Variants in KIRREL3 observed in about 807,000 individuals in gnomAD.
KIRREL3 encodes the protein kirre like nephrin family adhesion molecule 3, also known as kin of IRRE-like protein 3.
In KIRREL3, 36 loss-of-function variants were observed where a neutral mutation model predicts 89.7. That is an observed-to-expected ratio of 0.40 (90% CI 0.31 to 0.53). The LOEUF is 0.53. KIRREL3 is among the 20% of genes least tolerant of loss of function. The pLI is 0.49. For synonymous variants in KIRREL3, 445 were observed against 441.4 expected (o/e 1.01, Z -0.10); for missense variants, 864 against 1,056.6 (o/e 0.82, Z 2.53).
At chr11:126,582,610 G>T (rs1156854358) in intron 1 of KIRREL3, among the ~76,000 whole-genome samples, 4 of 152,198 alleles carry the variant, frequency 2.6e-5, no homozygotes, top group Non-Finnish European at 5.9e-5. Flanking sequence ...CTGCAGGTCA[G>T]GTGGGGAAGG....
upstream of KIRREL3, chr11:127,000,969 G>A: frequency 3.4e-6 from 1 of 290,288 alleles, no homozygotes; most frequent in Non-Finnish European, 6.3e-6. The surrounding 1 kb of genome is among the most constrained non-coding windows in gnomAD (Gnocchi z 7.1). Flanking sequence ...GGAAAAGGCT[G>A]TGTTCTTTCT....
rs1946332311 is a variant in KIRREL3, at chr11:126,900,519, G to C, written c.55+99936C>G. Among the ~76,000 whole-genome samples, 2 of 152,174 alleles carry C rather than the reference G, an allele frequency of 1.3e-5. No homozygotes were observed. Among genetic ancestry groups the C allele is most frequent in the African/African-American group, 4.8e-5 (2 of 41,446 alleles). On this transcript the variant is annotated intron_variant, in intron 1 of 16. Coordinates refer to ENST00000525144, the MANE Select transcript of KIRREL3 (RefSeq NM_032531.4). The surrounding 1 kb of genome is among the most constrained non-coding windows in gnomAD (Gnocchi z 4.4). Reference sequence around the variant, plus strand: ...AGTAATTAAACAATAATTTCTTTGTGAGTGCTGGACTTCTGAGGCCTGTTT... The same window carrying C: ...AGTAATTAAACAATAATTTCTTTGTCAGTGCTGGACTTCTGAGGCCTGTTT...
At chr11:126,759,884 C>T (rs1435200169) in intron 1 of KIRREL3, among the ~76,000 whole-genome samples, 3 of 152,032 alleles carry the variant, frequency 2.0e-5, no homozygotes, top group East Asian at 1.9e-4. Flanking sequence ...GAGGAAGGGC[C>T]AAGATGAAGA....
intron 1 of KIRREL3, among the ~76,000 whole-genome samples, chr11:126,770,832 A>C (rs1000346943): frequency 6.6e-6 from 1 of 152,076 alleles, no homozygotes; most frequent in African/African-American, 2.4e-5. Context: ...AGGAAGGAGC[A>C]TTTACTTATT....
rs1265956253 is a variant in KIRREL3, at chr11:126,530,728, G to C, written c.134-4041C>G. 6.6e-6 allele frequency among the ~76,000 whole-genome samples: 1 copy of C among 152,164 alleles called. No individual in the cohort carries two copies. Among genetic ancestry groups the C allele is most frequent in the Non-Finnish European group, 1.5e-5 (1 of 68,032 alleles). ...GTGACACACCCAGCACCTTCCACCG[G>C]CCCAGGGTTTCCATCTTCTCCGCTT... On this transcript the variant is annotated intron_variant, in intron 2 of 16. Coordinates refer to ENST00000525144, the MANE Select transcript of KIRREL3 (RefSeq NM_032531.4). The surrounding 1 kb of genome is among the most constrained non-coding windows in gnomAD (Gnocchi z 5.8).
Position 126,527,242 on chromosome 11 carries a change from T to C in KIRREL3, c.134-555A>G, listed in dbSNP as rs145655556. On this transcript the variant is annotated intron_variant, in intron 2 of 16. Transcript: ENST00000525144. This position sits in a 1 kb window ranked among gnomAD's most constrained non-coding sequence, Gnocchi z 4.2. ...CAGAGGGGTGGGTGGTGGTGCAGTA[T>C]GGCAGGAGGTGTGCTGAGGAGGCGT... Among the ~76,000 whole-genome samples, 512 of 152,096 alleles carry C rather than the reference T, an allele frequency of 3.4e-3. 3 individuals carry two copies. Among genetic ancestry groups the C allele is most frequent in the African/African-American group, 0.012 (483 of 41,506 alleles).
At chr11:126,662,079 T>C (rs1375523254) in intron 1 of KIRREL3, among the ~76,000 whole-genome samples, 1 of 152,148 alleles carries the variant, frequency 6.6e-6, no homozygotes, top group Non-Finnish European at 1.5e-5. Context: ...GATTTTCCCC[T>C]AGTAGTTTTT....
At chr11:126,539,919 A>G (rs1938218312) in intron 2 of KIRREL3, among the ~76,000 whole-genome samples, 1 of 152,228 alleles carries the variant, frequency 6.6e-6, no homozygotes, top group South Asian at 2.1e-4. Flanking sequence ...TGTTGTGACT[A>G]TCTAAGAGGG....
At chr11:126,735,250 G>A (rs930387936) in intron 1 of KIRREL3, among the ~76,000 whole-genome samples, 2 of 152,224 alleles carry the variant, frequency 1.3e-5, no homozygotes, top group Non-Finnish European at 2.9e-5. Context: ...CTGGCAGTCG[G>A]TAGTAACATT....
chr11:126,536,043 C>T lies in KIRREL3; in HGVS notation c.134-9356G>A, dbSNP rs556635668. 2.6e-5 allele frequency among the ~76,000 whole-genome samples: 4 copies of T among 151,338 alleles called. No individual in the cohort carries two copies. In the South Asian group the frequency reaches 6.3e-4, roughly 24 times the overall value. On this transcript the variant is annotated intron_variant, in intron 2 of 16. Transcript: ENST00000525144. ...AGGAGAATCCATAGAACCTGGGAGG[C>T]GGAGGTTGCAGTGAGCCAAGATCGC...
rs530659594 is a variant in KIRREL3, at chr11:126,491,523, G to A, written c.434-18057C>T. 2.0e-4 allele frequency among the ~76,000 whole-genome samples: 31 copies of A among 152,132 alleles called. No homozygotes were observed. Among genetic ancestry groups the A allele is most frequent in the South Asian group, 6.2e-4 (3 of 4,808 alleles). ...TCCAGTGTTGTCTGTCCCCCGAGTC[G>A]AGGTCTGGGGCAGGTAAGGAGGCCA... is the stretch of plus-strand genomic sequence containing the variant. On this transcript the variant is annotated intron_variant, in intron 4 of 16. Transcript: ENST00000525144. The surrounding 1 kb of genome is among the most constrained non-coding windows in gnomAD (Gnocchi z 5.5).
intron 1 of KIRREL3, among the ~76,000 whole-genome samples, chr11:126,573,228 G>T (rs561705210): frequency 6.6e-6 from 1 of 152,324 alleles, no homozygotes; most frequent in African/African-American, 2.4e-5. Flanking sequence ...TGCCTCGCGG[G>T]GTGGGTCCTG....
Position 126,640,850 on chromosome 11 carries a change from C to T in KIRREL3, c.56-77938G>A, listed in dbSNP as rs1944440259. Among the ~76,000 whole-genome samples the T allele has an allele frequency of 6.6e-6, 1 of 152,126 alleles. No homozygotes were observed. The highest frequency in any genetic ancestry group is 2.1e-4 in the South Asian group (1 of 4,828). On this transcript the variant is annotated intron_variant, in intron 1 of 16. Transcript: ENST00000525144. The surrounding 1 kb of genome is among the most constrained non-coding windows in gnomAD (Gnocchi z 4.9). ...TATTGCTGGCATCTCCTCCCCTTGA[C>T]CTTCATATTGGAGTCCTTGGATCTC... is the stretch of plus-strand genomic sequence containing the variant.
intron 1 of KIRREL3, among the ~76,000 whole-genome samples, chr11:126,961,867 T>A (rs954338362): frequency 6.6e-6 from 1 of 152,264 alleles, no homozygotes; most frequent in African/African-American, 2.4e-5. Context: ...TTAAAGCCAA[T>A]GCTCATTTAT....
At position 126,635,481 on chromosome 11, in the gene KIRREL3, A is replaced by G. The variant is rs1303316763; in HGVS notation, c.56-72569T>C. On this transcript the variant is annotated intron_variant, in intron 1 of 16. Transcript: ENST00000525144. The surrounding 1 kb of genome is among the most constrained non-coding windows in gnomAD (Gnocchi z 4.0). ...CTCAGCACCTCTGGGCTTCTGAGCC[A>G]TGGGAGAGTTGGACAGAAGGCTGAA... 6.6e-6 allele frequency among the ~76,000 whole-genome samples: 1 copy of G among 152,174 alleles called. No individual in the cohort carries two copies. The highest frequency in any genetic ancestry group is 1.5e-5 in the Non-Finnish European group (1 of 68,028).
intron 1 of KIRREL3, among the ~76,000 whole-genome samples, chr11:126,784,760 G>A (rs569261266): frequency 6.6e-6 from 1 of 152,212 alleles, no homozygotes; most frequent in Admixed American, 6.5e-5. Flanking sequence ...TACAACCTTG[G>A]TAGTCCTACG....
At chr11:126,858,171 A>G (rs538843567) in intron 1 of KIRREL3, among the ~76,000 whole-genome samples, 1 of 152,322 alleles carries the variant, frequency 6.6e-6, no homozygotes, top group South Asian at 2.1e-4. Context: ...GCAGCAGAAT[A>G]CACAAATATA....
chr11:126,781,422 T>G (rs1950321038), intron 1 of KIRREL3, among the ~76,000 whole-genome samples: 1 of 152,232 alleles, frequency 6.6e-6, no homozygotes, highest in South Asian at 2.1e-4. Flanking sequence ...ACCAGTGTTT[T>G]GGTGTATTCT....
chr11:126,871,056 C>T (rs552201768), intron 1 of KIRREL3, among the ~76,000 whole-genome samples: 2 of 152,312 alleles, frequency 1.3e-5, no homozygotes, highest in South Asian at 4.1e-4. Flanking sequence ...TCCACGGAGC[C>T]TCTTTTGATG....
Sources: allele counts gnomAD v4.1 joint callset (sites outside exome capture counted in the v4.1 genomes callset), GRCh38; gene constraint gnomAD v4.1.1; non-coding constraint Gnocchi (gnomAD v3.1); transcripts MANE v1.5; gene names NCBI Gene and HGNC (gene_info 2026-07-23, HGNC 2026-07-21).